The following EBF2 variants were observed in gnomAD, a reference collection of about 807,000 sequenced individuals.
EBF2 encodes EBF transcription factor 2, also known as transcription factor COE2.
In EBF2, 21 loss-of-function variants were observed where a neutral mutation model predicts 72.8. The ratio of observed to expected loss-of-function variants is 0.29; its 90% CI spans 0.20 to 0.42. EBF2 has a LOEUF of 0.42. Ranked by LOEUF, EBF2 falls within the 10% of genes least tolerant of loss-of-function variation. The pLI is 1.00. For missense variants in EBF2, 637 were observed against 731.2 expected (o/e 0.87, Z 1.49); for synonymous variants, 299 against 274.2 (o/e 1.09, Z -0.89).
intron 6 of EBF2, among the ~76,000 whole-genome samples, chr8:25,917,742 C>T (rs549548562): frequency 6.6e-6 from 1 of 152,222 alleles, no homozygotes; most frequent in South Asian, 2.1e-4. Flanking sequence ...TTCCTCAGCA[C>T]CCCTTCCCCA....
chr8:25,940,917 T>C (rs575303397), intron 6 of EBF2, among the ~76,000 whole-genome samples: 1 of 152,096 alleles, frequency 6.6e-6, no homozygotes, highest in Admixed American at 6.5e-5. Context: ...GACTAGTAAA[T>C]GTTTGCTAGC....
chr8:26,041,829 C>T (rs1445092882), intron 2 of EBF2, among the ~76,000 whole-genome samples: 2 of 152,122 alleles, frequency 1.3e-5, no homozygotes, highest in Non-Finnish European at 1.5e-5. Context: ...GCGTTTGCTC[C>T]GCCGTCAGTC....
At chr8:26,043,629 A>T (rs887833457) in intron 1 of EBF2, among the ~76,000 whole-genome samples, 2 of 151,966 alleles carry the variant, frequency 1.3e-5, no homozygotes, top group African/African-American at 4.8e-5. Context: ...GAGCGATAAA[A>T]CTTCTGCTTT....
rs534493666 is a variant in EBF2, at chr8:25,938,046, G to T, written c.552-29491C>A. Among the ~76,000 whole-genome samples the T allele has an allele frequency of 3.3e-5, 5 of 152,258 alleles. No individual in the cohort carries two copies. The East Asian group carries it at 9.6e-4, about 29-fold the overall frequency. On this transcript the variant is annotated intron_variant, in intron 6 of 15. Transcript: ENST00000520164. ...TATAGTACAGAGATCTGAAAAAAAG[G>T]ATTCAGAATTCGGAATAGTTTGTGG... is the stretch of plus-strand genomic sequence containing the variant.
At chr8:25,948,288 A>G (rs1313549442) in intron 6 of EBF2, among the ~76,000 whole-genome samples, 2 of 152,062 alleles carry the variant, frequency 1.3e-5, no homozygotes, top group East Asian at 3.9e-4. Context: ...ATGAATGAAA[A>G]CTCTAACTTG....
chr8:25,862,876 TA>T, intron 10 of EBF2, 79 bp from the exon 11 acceptor site: 1 of 1,096,302 alleles, frequency 9.1e-7, no homozygotes. Flanking sequence ...CCACAGGTAA[TA>T]AGAAGGTTCT....
intron 10 of EBF2, among the ~76,000 whole-genome samples, chr8:25,886,394 C>G (rs557298822): frequency 1.3e-5 from 2 of 152,326 alleles, no homozygotes; most frequent in Admixed American, 1.3e-4. Flanking sequence ...TCCAACATCA[C>G]TAGGCAACTC....
chr8:25,883,862 G>A (rs777249298), intron 10 of EBF2, among the ~76,000 whole-genome samples: 7 of 151,990 alleles, frequency 4.6e-5, no homozygotes, highest in African/African-American at 4.8e-5. Flanking sequence ...AACAAGACCC[G>A]CTATCCAACT....
At chr8:26,020,430 T>G (rs1167122958) in intron 6 of EBF2, among the ~76,000 whole-genome samples, 4 of 152,210 alleles carry the variant, frequency 2.6e-5, no homozygotes, top group Non-Finnish European at 4.4e-5. Context: ...GAAACCAGCA[T>G]TTTATTCTTC....
chr8:25,874,205 A>G (rs1332355213), intron 10 of EBF2, among the ~76,000 whole-genome samples: 1 of 152,164 alleles, frequency 6.6e-6, no homozygotes, highest in Non-Finnish European at 1.5e-5. Flanking sequence ...ATGAGCTATT[A>G]ACATTTGAAA....
At chr8:25,911,067 C>T (rs1032228866) in intron 6 of EBF2, among the ~76,000 whole-genome samples, 12 of 152,040 alleles carry the variant, frequency 7.9e-5, no homozygotes, top group Non-Finnish European at 1.5e-4. Flanking sequence ...ATCCACCATG[C>T]TCAGGGTCTT....
intron 6 of EBF2, among the ~76,000 whole-genome samples, chr8:25,924,027 G>A (rs894754486): frequency 2.0e-5 from 3 of 152,098 alleles, no homozygotes; most frequent in African/African-American, 4.8e-5. Context: ...TGTTAATACC[G>A]ATAATGTAAT....
At chr8:25,872,360 G>C (rs754402771) in intron 10 of EBF2, among the ~76,000 whole-genome samples, 1 of 152,180 alleles carries the variant, frequency 6.6e-6, no homozygotes, top group Non-Finnish European at 1.5e-5. Context: ...GGGGATGTTG[G>C]CGGATCACAC....
At chr8:25,991,813 T>G (rs1193913112) in intron 6 of EBF2, among the ~76,000 whole-genome samples, 1 of 152,096 alleles carries the variant, frequency 6.6e-6, no homozygotes, top group East Asian at 1.9e-4. Context: ...ACAACTGCAC[T>G]CCAGCCTGAG....
chr8:26,040,249 G>T, intron 4 of EBF2, 148 bp from the exon 5 acceptor site: 1 of 852,604 alleles, frequency 1.2e-6, no homozygotes, highest in Non-Finnish European at 1.9e-6. Flanking sequence ...ATTCTGCGCG[G>T]TTGCCGAGTT....
At chr8:25,892,192 T>A (rs1802793930) in intron 7 of EBF2, among the ~76,000 whole-genome samples, 1 of 152,176 alleles carries the variant, frequency 6.6e-6, no homozygotes, top group South Asian at 2.1e-4. Context: ...TTAATGACAA[T>A]AATATTTGAA....
At chr8:25,973,441 T>C (rs1250162522) in intron 6 of EBF2, among the ~76,000 whole-genome samples, 1 of 152,190 alleles carries the variant, frequency 6.6e-6, no homozygotes, top group Non-Finnish European at 1.5e-5. Flanking sequence ...CTGGCTTGAA[T>C]GCACAGTTAA....
chr8:25,957,493 C>A (rs1803969500), intron 6 of EBF2, among the ~76,000 whole-genome samples: 1 of 152,140 alleles, frequency 6.6e-6, no homozygotes. Context: ...TGCCTCCCAT[C>A]CCCACTGCCT....
intron 6 of EBF2, among the ~76,000 whole-genome samples, chr8:26,011,679 C>G (rs1313034993): frequency 2.0e-5 from 3 of 152,132 alleles, no homozygotes; most frequent in Admixed American, 2.0e-4. Flanking sequence ...GGACCCTGAG[C>G]AAGACCTGGA....
Sources: allele counts gnomAD v4.1 joint callset (sites outside exome capture counted in the v4.1 genomes callset), GRCh38; gene constraint gnomAD v4.1.1; transcripts MANE v1.5; gene names NCBI Gene and HGNC (gene_info 2026-07-23, HGNC 2026-07-21).